PARG: variants seen among roughly 807,000 people sequenced by gnomAD.
PARG encodes poly(ADP-ribose) glycohydrolase, also known as mitochondrial poly(ADP-ribose) glycohydrolase.
Under a neutral mutation model 113.0 loss-of-function variants are expected in PARG, and 35 were observed. The observed-to-expected ratio is 0.31, with a 90% CI of 0.24 to 0.41. The LOEUF (loss-of-function observed/expected upper bound fraction) is 0.41, where lower values mean the gene tolerates loss of function less well. Among genes scored for constraint, PARG ranks in the 10% least tolerant of loss-of-function variants. The pLI, the probability that PARG is intolerant of heterozygous loss-of-function variation, is 1.00. For synonymous variants in PARG, 330 were observed against 409.9 expected, an observed-to-expected ratio of 0.81 and a Z score of 2.36; for missense variants, 797 against 1,169.4, an observed-to-expected ratio of 0.68 and a Z score of 4.64.
chr10:49,893,393 C>T (rs1336294468), intron 7 of PARG, among the ~76,000 whole-genome samples: 2 of 152,196 alleles, frequency 1.3e-5, no homozygotes, highest in Non-Finnish European at 2.9e-5. Context: ...CAAACTCTTG[C>T]TCATTTTCTA....
At chr10:49,918,669 T>C (rs1340434095) in intron 6 of PARG, among the ~76,000 whole-genome samples, 5 of 152,220 alleles carry the variant, frequency 3.3e-5, no homozygotes, top group Non-Finnish European at 5.9e-5. Context: ...TCAAATGGTA[T>C]ATGAACAGCA....
At chr10:49,890,631 A>G (rs1435761028) in intron 7 of PARG, among the ~76,000 whole-genome samples, 3 of 151,486 alleles carry the variant, frequency 2.0e-5, no homozygotes, top group Non-Finnish European at 4.4e-5. Context: ...CATCATAGTG[A>G]CTGTGGACAG....
chr10:49,865,442 C>CACAT (rs1846455644), intron 10 of PARG, 61 bp from the exon 11 acceptor site: 1 of 162,552 alleles, frequency 6.2e-6, no homozygotes, highest in Non-Finnish European at 1.1e-5. Flanking sequence ...AAAGATTATA[C>CACAT]ACACACACAC....
intron 4 of PARG, among the ~76,000 whole-genome samples, chr10:49,925,834 TG>T (rs1232237014): frequency 3.9e-5 from 6 of 152,206 alleles, no homozygotes; most frequent in African/African-American, 1.4e-4. Context: ...CTAAGGAAAT[TG>T]AACACTTGAA....
chr10:49,873,283 T>C (rs1846785813), intron 9 of PARG, among the ~76,000 whole-genome samples: 1 of 63,524 alleles, frequency 1.6e-5, no homozygotes. Context: ...TCCCCACTGC[T>C]AGAAACTATA....
Position 49,857,469 on chromosome 10 carries a change from G to A in PARG, c.2206-16C>T. 1 of 1,609,196 alleles carries A rather than the reference G, an allele frequency of 6.2e-7. No individual in the cohort carries two copies. The highest frequency in any genetic ancestry group is 1.1e-5 in the South Asian group (1 of 90,368). ...CAAAATCCACCTGTTGGGGAAATGT[G>A]ACATATTAAATAATGGTCAAAAATA... On this transcript the variant is annotated splice_polypyrimidine_tract_variant and intron_variant, in intron 12 of 17. Coordinates refer to ENST00000616448, the MANE Select transcript of PARG (RefSeq NM_003631.5).
intron 16 of PARG, among the ~76,000 whole-genome samples, chr10:49,830,172 G>A (rs562759332): frequency 1.3e-4 from 20 of 152,272 alleles, no homozygotes; most frequent in African/African-American, 4.8e-4. Context: ...AAAAGGAAAA[G>A]AAGTGAACAC....
At chr10:49,902,493 A>G (rs189305305) in intron 7 of PARG, among the ~76,000 whole-genome samples, 696 of 152,262 alleles carry the variant, frequency 4.6e-3, no homozygotes, top group East Asian at 0.018. Flanking sequence ...GTGAACTTAC[A>G]GAGCTCAGAA....
rs35901101 is a variant in PARG, at chr10:49,846,746, A to ATG, written c.2354-3116_2354-3115dup. Among the ~76,000 whole-genome samples, 620 of 149,282 alleles carry ATG rather than the reference A, an allele frequency of 4.2e-3. 2 individuals carry two copies. Among genetic ancestry groups the ATG allele is most frequent in the Middle Eastern group, 0.021 (6 of 292 alleles). ...TATCAATATAAATTCACAGTTGTAT[A>ATG]TGTGTGTGTGTGTGTGTGTGTGTGT... On this transcript the variant is annotated intron_variant, in intron 13 of 17. Coordinates refer to ENST00000616448, the MANE Select transcript of PARG (RefSeq NM_003631.5).
At chr10:49,885,458 G>T (rs1303023039) in intron 7 of PARG, among the ~76,000 whole-genome samples, 163 bp from the exon 8 acceptor site, 1 of 152,030 alleles carries the variant, frequency 6.6e-6, no homozygotes, top group Admixed American at 6.5e-5. Context: ...TGCATCAACA[G>T]GTGTATACAA....
intron 13 of PARG, among the ~76,000 whole-genome samples, chr10:49,851,726 C>A (rs1174449706): frequency 6.9e-6 from 1 of 145,104 alleles, no homozygotes; most frequent in Non-Finnish European, 1.5e-5. Context: ...AAACTTAACA[C>A]CCTTTAGTAT....
intron 7 of PARG, among the ~76,000 whole-genome samples, chr10:49,910,725 T>C (rs1373098955): frequency 6.6e-6 from 1 of 152,240 alleles, no homozygotes; most frequent in Non-Finnish European, 1.5e-5. Context: ...GCTATATAAA[T>C]CAATTGCAGA....
At chr10:49,917,504 A>AG (rs1837558275) in intron 6 of PARG, among the ~76,000 whole-genome samples, 1 of 148,492 alleles carries the variant, frequency 6.7e-6, no homozygotes, top group African/African-American at 2.5e-5. Flanking sequence ...AAAAAAAAAA[A>AG]AAAGAAAAAA....
chr10:49,931,693 C>CAAAAAAAAAAA (rs1191457420), intron 4 of PARG, among the ~76,000 whole-genome samples: 2 of 71,766 alleles, frequency 2.8e-5, no homozygotes, highest in African/African-American at 1.0e-4. Context: ...TGGTCTCCAG[C>CAAAAAAAAAAA]AAAAAAAAAA....
chr10:49,831,797 T>A (rs1554830300), intron 16 of PARG, among the ~76,000 whole-genome samples: 1 of 152,174 alleles, frequency 6.6e-6, no homozygotes, highest in East Asian at 1.9e-4. Context: ...AGGACAGGAC[T>A]TTTTTCTGAG....
intron 12 of PARG, among the ~76,000 whole-genome samples, chr10:49,858,238 G>A (rs1371316091): frequency 8.8e-6 from 1 of 113,062 alleles, no homozygotes; most frequent in Non-Finnish European, 1.8e-5. Flanking sequence ...ATTTCCGTTT[G>A]TCCAGTGTGT....
Position 49,819,461 on chromosome 10 carries a change from T to C in PARG, c.2810A>G (p.Asn937Ser). Residue 937 changes from asparagine (N) to serine (S), a missense_variant, in exon 18 of 18, where the codon AAT (asparagine) becomes AGT (serine). This residue lies in a region of PARG where 194 missense variants were observed against 247.1 expected (regional missense o/e 0.79). Coordinates refer to ENST00000616448, the MANE Select transcript of PARG (RefSeq NM_003631.5). ...GGTGGAACAGTTTCTGCATTCTTCA[T>C]TGTAGTATCGTAGCAACAGCTTATA... ...DVYKLLLRYY[N>S]EECRNCSTPG... 3 of 1,551,476 alleles carry C rather than the reference T, an allele frequency of 1.9e-6. No individual in the cohort carries two copies. The highest frequency in any genetic ancestry group is 2.6e-6 in the Non-Finnish European group (3 of 1,146,762).
At chr10:49,839,611 A>G (rs1413218286) in intron 15 of PARG, among the ~76,000 whole-genome samples, 1 of 152,234 alleles carries the variant, frequency 6.6e-6, no homozygotes, top group Non-Finnish European at 1.5e-5. Context: ...AGGATGGGCA[A>G]ACTGAAGGTT....
chr10:49,907,218 C>T (rs1221390670), intron 7 of PARG, among the ~76,000 whole-genome samples: 4 of 152,154 alleles, frequency 2.6e-5, no homozygotes, highest in South Asian at 4.1e-4. Context: ...GGTGACAAGG[C>T]ACTATGTCAC....
Sources: gnomAD v4.1 joint callset for allele counts (sites outside exome capture counted in the v4.1 genomes callset) on GRCh38, gnomAD v4.1.1 for gene constraint, gnomAD v4.1.1 regional missense constraint, MANE v1.5 for transcripts, NCBI Gene and HGNC (gene_info 2026-07-23, HGNC 2026-07-21) for gene names.